The following RHBG variants were observed in gnomAD, a reference collection of about 807,000 sequenced individuals.
RHBG encodes ammonium transporter Rh type B.
Under a neutral mutation model 40.1 loss-of-function variants are expected in RHBG, and 39 were observed. The ratio of observed to expected loss-of-function variants is 0.97; its 90% CI spans 0.75 to 1.27. The LOEUF is 1.27. RHBG is among the 50% of genes most tolerant of loss of function. RHBG has a pLI of 0.00. For missense variants in RHBG, 549 were observed against 588.1 expected (o/e 0.93, Z 0.69); for synonymous variants, 237 against 252.5 (o/e 0.94, Z 0.58).
chr1:156,384,729 C>T (rs375172606), intron 9 of RHBG, 48 bp from the exon 10 acceptor site: 131 of 1,595,674 alleles, frequency 8.2e-5, no homozygotes, highest in Non-Finnish European at 1.1e-4. Context: ...CTGTGGCTTC[C>T]AGGCTCCTGG....
Position 156,384,862 on chromosome 1 carries a change from G to A in RHBG, c.*17G>A. ...CAGGCCTAACCCACTGCCAGCCCCT[G>A]AGAGGACACGCTCCTTTTCGAAGAT... On this transcript the variant is annotated 3_prime_UTR_variant, in exon 10 of 10. Transcript: ENST00000537040. The A allele has an allele frequency of 6.5e-7, 1 of 1,531,364 alleles. No homozygotes were observed. Among genetic ancestry groups the A allele is most frequent in the Non-Finnish European group, 9.0e-7 (1 of 1,109,130 alleles). 94.9% of individuals were successfully genotyped at this position (1,531,364 alleles called of 1,614,324 possible).
Position 156,381,804 on chromosome 1 carries a change from A to G in RHBG, c.841-2A>G. ...GCCTCCAACACCTTGCTCTTCCCTT[A>G]GGTCCACATCCAAAATGCAGCGCTG... On this transcript the variant is annotated splice_acceptor_variant, in intron 5 of 9. Transcript: ENST00000537040. LOFTEE classifies it high-confidence loss of function. 1 of 1,582,832 alleles carries G rather than the reference A, an allele frequency of 6.3e-7. No individual in the cohort carries two copies. The highest frequency in any genetic ancestry group is 1.4e-5 in the African/African-American group (1 of 72,544).
chr1:156,377,520 G>T lies in RHBG; in HGVS notation c.374+33G>T. 6.3e-7 allele frequency: 1 copy of T among 1,587,742 alleles called. No individual in the cohort carries two copies. Among genetic ancestry groups the T allele is most frequent in the East Asian group, 2.3e-5 (1 of 44,274 alleles). ...GCCGCCACCCACCCAGCTCCCCAAG[G>T]TTCACTCGGGAGGCCCCTGCCCATG... On this transcript the variant is annotated intron_variant, in intron 2 of 9. Transcript: ENST00000537040. The surrounding 1 kb of genome is among the most constrained non-coding windows in gnomAD (Gnocchi z 4.6).
chr1:156,377,267 C>A lies in RHBG; in HGVS notation c.188-34C>A, dbSNP rs755348184. 1.9e-5 allele frequency: 31 copies of A among 1,603,358 alleles called. No homozygotes were observed. The highest frequency in any genetic ancestry group is 2.6e-5 in the Non-Finnish European group (30 of 1,172,610). On this transcript the variant is annotated intron_variant, in intron 1 of 9. Transcript: ENST00000537040. This position sits in a 1 kb window ranked among gnomAD's most constrained non-coding sequence, Gnocchi z 4.6. ...GATTGTGGGCTATGGCTAGAGCAGCCCCCAAGTGCCCCGCCTGTCCCTGCC... is the reference window on the plus strand; with the variant it reads ...GATTGTGGGCTATGGCTAGAGCAGCACCCAAGTGCCCCGCCTGTCCCTGCC...
Position 156,377,505 on chromosome 1 carries a change from A to C in RHBG, c.374+18A>C, listed in dbSNP as rs779815413. 1.3e-6 allele frequency: 2 copies of C among 1,595,800 alleles called. No homozygotes were observed. Among genetic ancestry groups the C allele is most frequent in the Admixed American group, 1.7e-5 (1 of 59,564 alleles). ...GTGGAGAGGTGGGCAGCCGCCACCC[A>C]CCCAGCTCCCCAAGGTTCACTCGGG... On this transcript the variant is annotated intron_variant, in intron 2 of 9. Coordinates refer to ENST00000537040, the MANE Select transcript of RHBG (RefSeq NM_020407.5). This position sits in a 1 kb window ranked among gnomAD's most constrained non-coding sequence, Gnocchi z 4.6.
chr1:156,370,361 A>C (rs1185127065), intron 1 of RHBG, among the ~76,000 whole-genome samples: 4 of 151,822 alleles, frequency 2.6e-5, no homozygotes, highest in Admixed American at 2.6e-4. Flanking sequence ...AGGCAGGAGA[A>C]TCTCTTGAAC....
Position 156,377,336 on chromosome 1 carries a change from T to C in RHBG, c.223T>C (p.Phe75Leu), listed in dbSNP as rs770539120. 9 of 1,614,192 alleles carry C rather than the reference T, an allele frequency of 5.6e-6. 1 individual carries two copies. In the South Asian group the frequency reaches 6.6e-5, roughly 12 times the overall value. The change falls in exon 2 of 10, where the codon TTT (phenylalanine) becomes CTT (leucine). Residue 75 changes from phenylalanine (F) to leucine (L), a missense_variant. Coordinates refer to ENST00000537040, the MANE Select transcript of RHBG (RefSeq NM_020407.5). This position sits in a 1 kb window ranked among gnomAD's most constrained non-coding sequence, Gnocchi z 4.6. ...CGTGCATGCCATGGTCTTCGTGGGC[T>C]TTGGCTTCCTCATGGTCTTCCTGCA... Reference protein sequence around the residue: ...QDVHAMVFVGFGFLMVFLQRY... With the variant: ...QDVHAMVFVGLGFLMVFLQRY...
At chr1:156,372,025 C>T (rs1666891862) in intron 1 of RHBG, 1 of 152,194 alleles carries the variant, frequency 6.6e-6, no homozygotes, top group African/African-American at 2.4e-5. Context: ...CTTTGATGAG[C>T]CGGGTCCTCA....
intron 9 of RHBG, 74 bp downstream of exon 9, chr1:156,384,674 TCTTC>T: frequency 1.3e-6 from 2 of 1,541,466 alleles, no homozygotes; most frequent in Non-Finnish European, 1.8e-6. Context: ...CAAGTTGCCT[TCTTC>T]CTTCCTTGCT....
intron 5 of RHBG, 137 bp from the exon 6 acceptor site, chr1:156,381,669 G>A (rs1571014965): frequency 1.1e-5 from 15 of 1,387,148 alleles, no homozygotes; most frequent in Admixed American, 4.7e-5. Flanking sequence ...AATGGGAGGC[G>A]ATATGGTAGC....
intron 7 of RHBG, 76 bp downstream of exon 7, chr1:156,382,277 G>C: frequency 6.3e-7 from 1 of 1,596,954 alleles, no homozygotes; most frequent in Non-Finnish European, 8.6e-7. Context: ...CACTGTGTGT[G>C]ACCAAGAAAA....
chr1:156,377,368 C>A lies in RHBG; in HGVS notation c.255C>A (p.Tyr85Ter), dbSNP rs368501445. ...TCCTCATGGTCTTCCTGCAGCGTTACGGCTTCAGCAGCGTGGGCTTCACCT... is the reference window on the plus strand; with the variant it reads ...TCCTCATGGTCTTCCTGCAGCGTTAAGGCTTCAGCAGCGTGGGCTTCACCT... ...FGFLMVFLQRYGFSSVGFTFL... is the reference protein window; with the variant it reads ...FGFLMVFLQR Residue 85 changes from tyrosine to a stop codon, truncating the protein, a stop_gained, in exon 2 of 10, where the codon TAC becomes TAA. Coordinates refer to ENST00000537040, the MANE Select transcript of RHBG (RefSeq NM_020407.5). LOFTEE classifies it high-confidence loss of function. This position sits in a 1 kb window ranked among gnomAD's most constrained non-coding sequence, Gnocchi z 4.6. 1.9e-6 allele frequency: 3 copies of A among 1,614,150 alleles called. No homozygotes were observed. Among genetic ancestry groups the A allele is most frequent in the East Asian group, 2.2e-5 (1 of 44,884 alleles).
chr1:156,384,512 C>T lies in RHBG; in HGVS notation c.1235-15C>T. The T allele has an allele frequency of 6.2e-7, 1 of 1,612,706 alleles. No individual in the cohort carries two copies. Among genetic ancestry groups the T allele is most frequent in the Non-Finnish European group, 8.5e-7 (1 of 1,179,128 alleles). On this transcript the variant is annotated splice_polypyrimidine_tract_variant and intron_variant, in intron 8 of 9. Coordinates refer to ENST00000537040, the MANE Select transcript of RHBG (RefSeq NM_020407.5). ...GGGCAGAGAAGCCTCACAGATCCTC[C>T]CCTACCACCACCAGGGCTCCTGCTG...
At position 156,382,202 on chromosome 1, in the gene RHBG, G is replaced by C; in HGVS notation, c.1112+1G>C. 6.2e-7 allele frequency: 1 copy of C among 1,614,134 alleles called. No homozygotes were observed. The highest frequency in any genetic ancestry group is 1.7e-5 in the Admixed American group (1 of 60,020). ...CCACCCATGAAGCTTACGGAGATGG[G>C]TGAGTTTCCTCCCAACCCGTACTGC... On this transcript the variant is annotated splice_donor_variant, in intron 7 of 9. Coordinates refer to ENST00000537040, the MANE Select transcript of RHBG (RefSeq NM_020407.5). LOFTEE classifies it high-confidence loss of function.
chr1:156,381,779 G>A, intron 5 of RHBG, 27 bp from the exon 6 acceptor site: 2 of 1,567,622 alleles, frequency 1.3e-6, no homozygotes, highest in Non-Finnish European at 1.7e-6. Flanking sequence ...ATCTGAAAGG[G>A]CCTCCAACAC....
At chr1:156,378,446 G>A (rs765295234) in intron 4 of RHBG, 47 bp downstream of exon 4, 2 of 1,537,208 alleles carry the variant, frequency 1.3e-6, no homozygotes, top group African/African-American at 2.8e-5. Flanking sequence ...TGGTCTGGAG[G>A]CCTCATCTGG....
chr1:156,381,432 C>A lies in RHBG; in HGVS notation c.759C>A (p.Asn253Lys), dbSNP rs1274907150. 7.4e-6 allele frequency: 12 copies of A among 1,614,042 alleles called. No homozygotes were observed. Among genetic ancestry groups the A allele is most frequent in the Non-Finnish European group, 1.0e-5 (12 of 1,180,034 alleles). The change falls in exon 5 of 10, where the codon AAC becomes AAA. Residue 253 changes from asparagine (N) to lysine (K), a missense_variant. Asn to Lys is a moderately conservative substitution (Grantham distance 94). Around this residue, in one of 3 missense-constraint regions of RHBG, gnomAD observed 399 missense variants for 417.0 expected, o/e 0.96. Transcript: ENST00000537040. Reference sequence around the variant, plus strand: ...CTGGGCAGCATCGGACGGCCCTCAACACATACTACTCCCTGGCTGCCAGCA... The same window carrying A: ...CTGGGCAGCATCGGACGGCCCTCAAAACATACTACTCCCTGGCTGCCAGCA... ...LGAGQHRTAL[N>K]TYYSLAASTL...
intron 4 of RHBG, 95 bp from the exon 5 acceptor site, chr1:156,381,252 G>A: frequency 7.8e-7 from 1 of 1,282,796 alleles, no homozygotes; most frequent in Non-Finnish European, 1.1e-6. Flanking sequence ...AACTGAGGCT[G>A]CTGAGGGTAG....
rs34071665 is a variant in RHBG at position 156,374,587 on chromosome 1, A to ATTTT, written c.188-2700_188-2697dup. On this transcript the variant is annotated intron_variant, in intron 1 of 9. Transcript: ENST00000537040. ...ATGTTGCCACGAATGACAGGATTCC[A>ATTTT]TTTTTTTTTTTTTTTTTAGATGGAG... The ATTTT allele has an allele frequency of 1.1e-3, 434 of 380,908 alleles. 4 individuals carry two copies. The highest frequency in any genetic ancestry group is 1.4e-3 in the Non-Finnish European group (276 of 196,684). The allele number at this position is 380,908 out of a possible 1,614,324, so 23.6% of individuals were successfully genotyped here.
Sources: gnomAD v4.1 joint callset for allele counts (sites outside exome capture counted in the v4.1 genomes callset) on GRCh38, gnomAD v4.1.1 for gene constraint, gnomAD v4.1.1 regional missense constraint, Gnocchi (gnomAD v3.1) non-coding constraint, MANE v1.5 for transcripts, NCBI Gene and HGNC (gene_info 2026-07-23, HGNC 2026-07-21) for gene names.